DIP2A: variants seen among roughly 807,000 people sequenced by gnomAD.
DIP2A encodes DIP2 acetate--CoA ligase A.
DIP2A carries 85 observed loss-of-function variants against 177.4 expected under a neutral mutation model. That is an observed-to-expected ratio of 0.48 (90% CI 0.40 to 0.57). The LOEUF (loss-of-function observed/expected upper bound fraction) is 0.57, where lower values mean the gene tolerates loss of function less well. Ranked by LOEUF, DIP2A falls within the 20% of genes least tolerant of loss-of-function variation. The pLI is 0.00. For missense variants in DIP2A, 1,791 were observed against 2,100.2 expected (o/e 0.85, Z 2.88); for synonymous variants, 886 against 881.8 (o/e 1.00, Z -0.08).
In DIP2A at chr21:46,554,720, CAG is replaced by C. The variant is rs755102900; in HGVS notation, c.3276+27_3276+28del. 3 of 1,555,124 alleles carry C rather than the reference CAG, an allele frequency of 1.9e-6. 1 individual carries two copies. Among genetic ancestry groups the C allele is most frequent in the East Asian group, 4.9e-5 (2 of 41,190 alleles). On this transcript the variant is annotated intron_variant, in intron 27 of 37. Transcript: ENST00000417564. ...AGGTGCGCCTACCTGGCCCGCGGGT[CAG>C]AGTCTGTGAGTGGGAGGCTGCAAGG...
intron 22 of DIP2A, among the ~76,000 whole-genome samples, chr21:46,550,310 T>G (rs550912530): frequency 1.6e-4 from 25 of 152,368 alleles, no homozygotes; most frequent in Admixed American, 1.4e-3. Context: ...GATCACAGAT[T>G]TGTGGACATG....
intron 6 of DIP2A, among the ~76,000 whole-genome samples, chr21:46,509,034 A>G (rs1211874966): frequency 6.6e-6 from 1 of 151,428 alleles, no homozygotes; most frequent in Non-Finnish European, 1.5e-5. Context: ...AAAAACAAAA[A>G]CAAAAAAAAA....
chr21:46,550,721 C>G lies in DIP2A; in HGVS notation c.2816C>G (p.Pro939Arg). ...CCTCACACCTGTGTTACCAACCTCC[C>G]CAAACCTCGTCAGAAACAACCAGGT... ...MCPHTCVTNLPKPRQKQPEVG... is the reference protein window; with the variant it reads ...MCPHTCVTNLRKPRQKQPEVG... Residue 939 changes from proline to arginine, a missense_variant, in exon 23 of 38, where the codon CCC (proline) becomes CGC (arginine). Pro to Arg is a moderately radical substitution (Grantham distance 103). Coordinates refer to ENST00000417564, the MANE Select transcript of DIP2A (RefSeq NM_015151.4). 6.2e-7 allele frequency: 1 copy of G among 1,614,048 alleles called. No individual in the cohort carries two copies. The highest frequency in any genetic ancestry group is 8.5e-7 in the Non-Finnish European group (1 of 1,179,900).
chr21:46,523,393 A>ATTTTTTTTTTTTTTTTTT (rs61370008), intron 8 of DIP2A, among the ~76,000 whole-genome samples: 15 of 89,914 alleles, frequency 1.7e-4, no homozygotes, highest in East Asian at 3.2e-4. Context: ...CGCCTGGCTA[A>ATTTTTTTTTTTTTTTTTT]TTTTTTTTTT....
chr21:46,559,540 C>T (rs2060595946), intron 32 of DIP2A, among the ~76,000 whole-genome samples: 1 of 152,222 alleles, frequency 6.6e-6, no homozygotes, highest in African/African-American at 2.4e-5. Context: ...GGGCGGGAGC[C>T]TTTTGTGAGC....
chr21:46,463,703 TG>T (rs1568890273), intron 1 of DIP2A, among the ~76,000 whole-genome samples: 2 of 151,698 alleles, frequency 1.3e-5, no homozygotes, highest in Admixed American at 6.6e-5. Flanking sequence ...TGTGTGTGTG[TG>T]TGTGTGTGTG....
chr21:46,575,944 AT>A, the DIP2A span, among the ~76,000 whole-genome samples: 1 of 152,228 alleles, frequency 6.6e-6, no homozygotes, highest in Non-Finnish European at 1.5e-5. Flanking sequence ...AAACAAAGCA[AT>A]TTTGAAAAAG....
intron 21 of DIP2A, among the ~76,000 whole-genome samples, chr21:46,549,365 G>A (rs1009924861): frequency 2.0e-5 from 3 of 152,176 alleles, no homozygotes; most frequent in South Asian, 2.1e-4. Flanking sequence ...GTAAAAACAC[G>A]TCTAAATATA....
At chr21:46,461,105 T>C (rs2054260205) in intron 1 of DIP2A, among the ~76,000 whole-genome samples, 1 of 150,978 alleles carries the variant, frequency 6.6e-6, no homozygotes, top group African/African-American at 2.4e-5. Context: ...TCAGAACAGC[T>C]TGGGTAACAT....
Position 46,563,630 on chromosome 21 carries a change from C to T in DIP2A, c.4090-228C>T, listed in dbSNP as rs2070431. On this transcript the variant is annotated intron_variant, in intron 34 of 37. Coordinates refer to ENST00000417564, the MANE Select transcript of DIP2A (RefSeq NM_015151.4). The surrounding 1 kb of genome is among the most constrained non-coding windows in gnomAD (Gnocchi z 4.3). ...CTCTGCCCCTCCTGACACCCAGAGACGGGATCCCTTCTCAGGAACTGGAGT... is the reference window on the plus strand; with the variant it reads ...CTCTGCCCCTCCTGACACCCAGAGATGGGATCCCTTCTCAGGAACTGGAGT... The T allele has an allele frequency of 0.28, 185,577 of 657,874 alleles. 27,643 individuals carry two copies. Among genetic ancestry groups the T allele is most frequent in the Middle Eastern group, 0.33 (695 of 2,128 alleles). The allele number at this position is 657,874 out of a possible 1,614,324, so 40.8% of individuals were successfully genotyped here. A position where few individuals can be genotyped will look rare whatever the true frequency, so the allele number is the denominator to read the frequency against.
chr21:46,545,118 GT>G lies in DIP2A; in HGVS notation c.2177-11del, dbSNP rs758206675. 5.7e-6 allele frequency: 9 copies of G among 1,569,328 alleles called. No individual in the cohort carries two copies. The highest frequency in any genetic ancestry group is 1.8e-5 in the Admixed American group (1 of 55,772). ...TTAAACACGTTCTTGATAATTTTGA[GT>G]TTTTTTTCTCATTTTAGCTAATGTA... On this transcript the variant is annotated intron_variant, in intron 18 of 37. Transcript: ENST00000417564.
chr21:46,567,601 C>CT lies in DIP2A; in HGVS notation c.4696dup (p.Tyr1566LeufsTer18), dbSNP rs1409089167. On this transcript the variant is annotated frameshift_variant, in exon 38 of 38. Transcript: ENST00000417564. LOFTEE classifies it high-confidence loss of function. ...TCCTGGCTGACCAGCTGGACCCCATCTATGTCGCCTACAACATGTGAGCGC... is the reference window on the plus strand; with the variant it reads ...TCCTGGCTGACCAGCTGGACCCCATCTTATGTCGCCTACAACATGTGAGCGC... The CT allele has an allele frequency of 6.2e-6, 10 of 1,604,090 alleles. No homozygotes were observed. Among genetic ancestry groups the CT allele is most frequent in the Non-Finnish European group, 8.5e-6 (10 of 1,174,470 alleles).
intron 1 of DIP2A, among the ~76,000 whole-genome samples, chr21:46,477,810 C>T (rs1752917742): frequency 6.6e-6 from 1 of 151,832 alleles, no homozygotes; most frequent in Non-Finnish European, 1.5e-5. Flanking sequence ...TCACGAATTC[C>T]TGACCTCAGG....
intron 9 of DIP2A, among the ~76,000 whole-genome samples, chr21:46,529,721 T>A (rs770790941): frequency 1.3e-5 from 2 of 152,228 alleles, no homozygotes; most frequent in Non-Finnish European, 2.9e-5. Flanking sequence ...TTTCTTCATC[T>A]TCTTTTCTGT....
At chr21:46,538,136 C>CA (rs1491295205) in intron 15 of DIP2A, among the ~76,000 whole-genome samples, 1 of 152,050 alleles carries the variant, frequency 6.6e-6, no homozygotes, top group Non-Finnish European at 1.5e-5. Flanking sequence ...CTGGGGTCCT[C>CA]ACACTTCTCA....
intron 7 of DIP2A, 48 bp downstream of exon 7, chr21:46,509,424 G>A: frequency 6.4e-7 from 1 of 1,565,934 alleles, no homozygotes; most frequent in Non-Finnish European, 8.6e-7. Context: ...GAAAAGGGTG[G>A]CCACGAAGTT....
At chr21:46,550,421 A>G (rs971734572) in intron 22 of DIP2A, 122 bp from the exon 23 acceptor site, 10 of 896,962 alleles carry the variant, frequency 1.1e-5, no homozygotes, top group Non-Finnish European at 1.7e-5. Context: ...CAAAGTGTCC[A>G]GAGGGCATTC....
At position 46,556,879 on chromosome 21, in the gene DIP2A, C is replaced by G; in HGVS notation, c.3499-60C>G. ...TGTGAACAGCGGACACTGCCATCCA[C>G]CCTCTCCCCTCCTGAATTTCATTTC... On this transcript the variant is annotated intron_variant, in intron 29 of 37. Coordinates refer to ENST00000417564, the MANE Select transcript of DIP2A (RefSeq NM_015151.4). This position sits in a 1 kb window ranked among gnomAD's most constrained non-coding sequence, Gnocchi z 4.5. 20 of 1,419,596 alleles carry G rather than the reference C, an allele frequency of 1.4e-5. No homozygotes were observed. Among genetic ancestry groups the G allele is most frequent in the Non-Finnish European group, 1.9e-5 (20 of 1,055,256 alleles). 87.9% of individuals were successfully genotyped at this position (1,419,596 alleles called of 1,614,324 possible). A position where few individuals can be genotyped will look rare whatever the true frequency, so the allele number is the denominator to read the frequency against.
chr21:46,495,254 C>T (rs777490161), intron 3 of DIP2A, among the ~76,000 whole-genome samples: 73 of 106,626 alleles, frequency 6.8e-4, no homozygotes, highest in African/African-American at 4.1e-3. Flanking sequence ...TTCTCTCTCT[C>T]TCTCTCTCTC....
Sources: gnomAD v4.1 joint callset for allele counts (sites outside exome capture counted in the v4.1 genomes callset) on GRCh38, gnomAD v4.1.1 for gene constraint, Gnocchi (gnomAD v3.1) non-coding constraint, MANE v1.5 for transcripts, NCBI Gene and HGNC (gene_info 2026-07-23, HGNC 2026-07-21) for gene names.